The following SF3A1 variants were observed in gnomAD, a reference collection of about 807,000 sequenced individuals.
SF3A1 encodes splicing factor 3a subunit 1.
A neutral mutation model predicts 89.9 loss-of-function variants in SF3A1; 13 were observed. That is an observed-to-expected ratio of 0.14 (90% CI 0.09 to 0.23). The LOEUF is 0.23. Ranked by LOEUF, SF3A1 falls within the 10% of genes least tolerant of loss-of-function variation. The pLI is 1.00. For missense variants in SF3A1, 604 were observed against 1,022.1 expected, an observed-to-expected ratio of 0.59 and a Z score of 5.58; for synonymous variants, 405 against 374.4, an observed-to-expected ratio of 1.08 and a Z score of -0.94.
At chr22:30,343,876 A>C (rs1275052097) in intron 4 of SF3A1, among the ~76,000 whole-genome samples, 1 of 152,244 alleles carries the variant, frequency 6.6e-6, no homozygotes, top group Non-Finnish European at 1.5e-5. Flanking sequence ...TTATGTACTT[A>C]AAAGTGAGTA....
At chr22:30,353,426 G>A (rs572819417) in intron 1 of SF3A1, among the ~76,000 whole-genome samples, 45 of 152,164 alleles carry the variant, frequency 3.0e-4, no homozygotes, top group Non-Finnish European at 5.9e-4. Flanking sequence ...GGAGAAAAGG[G>A]AGAAAGCAAA....
chr22:30,339,708 T>C (rs1931188073), intron 9 of SF3A1, among the ~76,000 whole-genome samples: 1 of 152,168 alleles, frequency 6.6e-6, no homozygotes, highest in Non-Finnish European at 1.5e-5. Context: ...GTAGCCAACA[T>C]GGAGCCACTG....
chr22:30,343,868 A>C (rs1297233559), intron 4 of SF3A1, among the ~76,000 whole-genome samples: 1 of 152,234 alleles, frequency 6.6e-6, no homozygotes, highest in African/African-American at 2.4e-5. Flanking sequence ...AATTCTAATT[A>C]TGTACTTAAA....
Position 30,346,379 on chromosome 22 carries a change from G to A in SF3A1, c.326C>T (p.Pro109Leu), listed in dbSNP as rs551665351. The stretch of plus-strand genomic sequence containing the variant: ...CATGACCTTGGGGATGGCGGCGGAC[G>A]GCTCCTGAGCCTTCCCTTCCTTGAA... ...SEFKEGKAQE[P>L]SAAIPKVMQQ... is the part of the protein sequence containing the mutation. The change falls in exon 3 of 16, where the codon CCG (proline) becomes CTG (leucine). Residue 109 changes from proline (P) to leucine (L), a missense_variant. Physicochemically the swap from Pro to Leu is moderately conservative, Grantham distance 98. Coordinates refer to ENST00000215793, the MANE Select transcript of SF3A1 (RefSeq NM_005877.6). The A allele has an allele frequency of 8.1e-6, 13 of 1,614,030 alleles. No homozygotes were observed. Among genetic ancestry groups the A allele is most frequent in the East Asian group, 2.2e-5 (1 of 44,884 alleles).
At chr22:30,341,000 G>A (rs1931233700) in intron 7 of SF3A1, among the ~76,000 whole-genome samples, 188 bp from the exon 8 acceptor site, 1 of 152,068 alleles carries the variant, frequency 6.6e-6, no homozygotes, top group South Asian at 2.1e-4. Context: ...ATGAATGGGA[G>A]TGCTGAGGCC....
intron 2 of SF3A1, among the ~76,000 whole-genome samples, chr22:30,347,163 G>A (rs1601697680): frequency 6.6e-6 from 1 of 152,170 alleles, no homozygotes; most frequent in African/African-American, 2.4e-5. Context: ...TGGGCATGGT[G>A]GTGTGTGCCT....
chr22:30,351,379 G>A (rs572931136), intron 2 of SF3A1, among the ~76,000 whole-genome samples: 1 of 152,130 alleles, frequency 6.6e-6, no homozygotes, highest in Admixed American at 6.5e-5. Context: ...AGGACCATCC[G>A]TTAAATGATG....
chr22:30,337,914 C>G lies in SF3A1; in HGVS notation c.1744-17G>C. ...AGGTGGCATCTGTGCAGGAAAGAGACCCACAGATTACAGGAAGCCAAAGTT... is the reference window on the plus strand; with the variant it reads ...AGGTGGCATCTGTGCAGGAAAGAGAGCCACAGATTACAGGAAGCCAAAGTT... On this transcript the variant is annotated splice_polypyrimidine_tract_variant and intron_variant, in intron 11 of 15. Coordinates refer to ENST00000215793, the MANE Select transcript of SF3A1 (RefSeq NM_005877.6). The G allele has an allele frequency of 6.3e-7, 1 of 1,579,056 alleles. No individual in the cohort carries two copies. Among genetic ancestry groups the G allele is most frequent in the Non-Finnish European group, 8.6e-7 (1 of 1,158,846 alleles).
rs1601694322 is a variant in SF3A1, at chr22:30,342,084, C to T, written c.877+116G>A. 5.3e-6 allele frequency: 7 copies of T among 1,312,770 alleles called. No homozygotes were observed. In the East Asian group the frequency reaches 1.6e-4, roughly 30 times the overall value. The allele number at this position is 1,312,770 out of a possible 1,614,324, so 81.3% of individuals were successfully genotyped here. A position where few individuals can be genotyped will look rare whatever the true frequency, so the allele number is the denominator to read the frequency against. ...AAGTCTTTTGGGAGCAGGGAGGAGA[C>T]AGCACTGATAAAGCCCTCTGAGAGA... On this transcript the variant is annotated intron_variant, in intron 6 of 15. Transcript: ENST00000215793.
Position 30,334,096 on chromosome 22 carries a change from A to T in SF3A1, c.*498T>A, listed in dbSNP as rs1930993564. 6.6e-6 allele frequency: 1 copy of T among 152,320 alleles called. No individual in the cohort carries two copies. Among genetic ancestry groups the T allele is most frequent in the South Asian group, 2.1e-4 (1 of 4,842 alleles). The allele number at this position is 152,320 out of a possible 1,614,324, so 9.4% of individuals were successfully genotyped here. The stretch of plus-strand genomic sequence containing the variant: ...CAAAACCCAAAAATCCTCAAAGAGA[A>T]GCCACATAGCACTGTGCAGTGTTAC... On this transcript the variant is annotated 3_prime_UTR_variant, in exon 16 of 16. Coordinates refer to ENST00000215793, the MANE Select transcript of SF3A1 (RefSeq NM_005877.6).
chr22:30,344,842 C>T (rs1302357636), intron 4 of SF3A1, 91 bp downstream of exon 4: 55 of 1,456,988 alleles, frequency 3.8e-5, no homozygotes, highest in Non-Finnish European at 1.9e-5. Context: ...GAAGCGATGT[C>T]CTTGTAGACA....
rs1931333121 is a variant in SF3A1, at chr22:30,343,674, T to C, written c.652-795A>G. Among the ~76,000 whole-genome samples, 4 of 152,266 alleles carry C rather than the reference T, an allele frequency of 2.6e-5. No homozygotes were observed. In the South Asian group the frequency reaches 8.3e-4, roughly 32 times the overall value. The stretch of plus-strand genomic sequence containing the variant: ...AAGAAAAAACAGGAAAGTAACAGAA[T>C]AAAAAGTGATCTGGGACCTTTAACC... On this transcript the variant is annotated intron_variant, in intron 4 of 15. Transcript: ENST00000215793.
chr22:30,342,517 G>C (rs1451100700), intron 5 of SF3A1, 167 bp from the exon 6 acceptor site: 2 of 755,082 alleles, frequency 2.6e-6, no homozygotes, highest in Non-Finnish European at 4.2e-6. Context: ...TGCAGAGTTG[G>C]GACAGAATGA....
Position 30,353,021 on chromosome 22 carries a change from C to T in SF3A1, c.115G>A (p.Val39Ile), listed in dbSNP as rs1931647933. ...GGAGGAGGGTAAATAATCCCCACAACTGGCTTAGAAGGTGCAGAATCCTCC... is the reference window on the plus strand; with the variant it reads ...GGAGGAGGGTAAATAATCCCCACAATTGGCTTAGAAGGTGCAGAATCCTCC... ...SKEDSAPSKP[V>I]VGIIYPPPEV... Residue 39 changes from valine (V) to isoleucine (I), a missense_variant, in exon 2 of 16, where the codon GTT (valine) becomes ATT (isoleucine). Transcript: ENST00000215793. 2 of 1,614,202 alleles carry T rather than the reference C, an allele frequency of 1.2e-6. No homozygotes were observed. Among genetic ancestry groups the T allele is most frequent in the Non-Finnish European group, 1.7e-6 (2 of 1,180,014 alleles).
intron 2 of SF3A1, among the ~76,000 whole-genome samples, chr22:30,348,649 T>C (rs1224439980): frequency 4.6e-5 from 7 of 152,192 alleles, no homozygotes; most frequent in African/African-American, 1.7e-4. Context: ...ACTAACACCA[T>C]GAGGTCTCAA....
chr22:30,334,453 A>C lies in SF3A1; in HGVS notation c.*141T>G, dbSNP rs1966870592. On this transcript the variant is annotated 3_prime_UTR_variant, in exon 16 of 16. Coordinates refer to ENST00000215793, the MANE Select transcript of SF3A1 (RefSeq NM_005877.6). ...GGTCAGGGGAATGAACCTCTGCAGG[A>C]CAATTTGAATTCCCAAACTGAGTAA... The C allele has an allele frequency of 6.7e-6, 4 of 594,514 alleles. No individual in the cohort carries two copies. The highest frequency in any genetic ancestry group is 8.9e-6 in the Non-Finnish European group (3 of 338,324). 36.8% of individuals were successfully genotyped at this position (594,514 alleles called of 1,614,324 possible).
chr22:30,342,641 A>G, intron 5 of SF3A1, 164 bp downstream of exon 5: 1 of 632,378 alleles, frequency 1.6e-6, no homozygotes, highest in Non-Finnish European at 2.8e-6. Flanking sequence ...TATGTTGGGA[A>G]GCATCCGGAC....
At chr22:30,346,789 G>A (rs561669240) in intron 2 of SF3A1, among the ~76,000 whole-genome samples, 1 of 151,906 alleles carries the variant, frequency 6.6e-6, no homozygotes, top group South Asian at 2.1e-4. Flanking sequence ...AAACCATCTA[G>A]GCTATCGCTC....
Position 30,340,699 on chromosome 22 carries a change from G to A in SF3A1, c.1185C>T (p.Pro395=). 6.3e-7 allele frequency: 1 copy of A among 1,595,440 alleles called. No homozygotes were observed. The highest frequency in any genetic ancestry group is 8.6e-7 in the Non-Finnish European group (1 of 1,163,842). ...TGGGAAGCAGGCCCTCCCTACCTTT[G>A]GGATCATAATCCTTGCGGACAATGA... ...DQVIVRKDYD[P]KASKPLPPAP... is the part of the protein sequence containing the mutation. Residue 395 remains proline, a synonymous_variant, in exon 8 of 16, where the codon CCC becomes CCT. Transcript: ENST00000215793.
Sources: gnomAD v4.1 joint callset for allele counts (sites outside exome capture counted in the v4.1 genomes callset) on GRCh38, gnomAD v4.1.1 for gene constraint, MANE v1.5 for transcripts, NCBI Gene and HGNC (gene_info 2026-07-23, HGNC 2026-07-21) for gene names.